Variants in ABRA observed in about 807,000 individuals in gnomAD.
ABRA encodes actin binding Rho activating protein, also known as actin-binding Rho-activating protein.
Under a neutral mutation model 33.4 loss-of-function variants are expected in ABRA, and 25 were observed. That is an observed-to-expected ratio of 0.75 (90% CI 0.55 to 1.04). ABRA has a LOEUF of 1.04. ABRA is among the 50% of genes least tolerant of loss of function. The pLI is 0.00. For synonymous variants in ABRA, 193 were observed against 176.8 expected (o/e 1.09, Z -0.73); for missense variants, 501 against 491.7 (o/e 1.02, Z -0.18).
chr8:106,769,881 T>A lies in ABRA; in HGVS notation c.310A>T (p.Ile104Phe). Reference protein sequence around the residue: ...SSEKAPEVSHIKKKEVSKTVV... With the variant: ...SSEKAPEVSHFKKKEVSKTVV... ...GTTTTGGACACCTCTTTCTTTTTGA[T>A]GTGAGAAACCTCAGGGGCTTTCTCT... is the stretch of plus-strand genomic sequence containing the variant. Residue 104 changes from isoleucine (I) to phenylalanine (F), a missense_variant, in exon 1 of 2, where the codon ATC becomes TTC. Coordinates refer to ENST00000311955, the MANE Select transcript of ABRA (RefSeq NM_139166.5). 6.2e-7 allele frequency: 1 copy of A among 1,614,132 alleles called. No homozygotes were observed. The highest frequency in any genetic ancestry group is 8.5e-7 in the Non-Finnish European group (1 of 1,179,996).
At chr8:106,766,071 T>C (rs1425467878) in intron 1 of ABRA, among the ~76,000 whole-genome samples, 2 of 152,208 alleles carry the variant, frequency 1.3e-5, no homozygotes, top group Non-Finnish European at 2.9e-5. Context: ...GGCAGCCTCC[T>C]GCTCAACTGC....
intron 1 of ABRA, among the ~76,000 whole-genome samples, chr8:106,768,688 C>A (rs1041734579): frequency 7.2e-5 from 11 of 152,118 alleles, no homozygotes; most frequent in Non-Finnish European, 1.5e-5. Flanking sequence ...GGCTGGAGTA[C>A]AGTGGCATGA....
Position 106,760,991 on chromosome 8 carries a change from G to A in ABRA, c.*46C>T, listed in dbSNP as rs1370063931. On this transcript the variant is annotated 3_prime_UTR_variant, in exon 2 of 2. Coordinates refer to ENST00000311955, the MANE Select transcript of ABRA (RefSeq NM_139166.5). ...TTCATTTTACCTACATGAGCATTTA[G>A]CATTAAGACCATAGTGGGCCAAATT... The A allele has an allele frequency of 6.6e-7, 1 of 1,520,090 alleles. No homozygotes were observed. The highest frequency in any genetic ancestry group is 9.0e-7 in the Non-Finnish European group (1 of 1,105,382). The allele number at this position is 1,520,090 out of a possible 1,614,324, so 94.2% of individuals were successfully genotyped here. A position where few individuals can be genotyped will look rare whatever the true frequency, so the allele number is the denominator to read the frequency against.
rs80150639 is a variant in ABRA at position 106,763,182 on chromosome 8, G to A, written c.669-1668C>T. Among the ~76,000 whole-genome samples, 22 of 152,266 alleles carry A rather than the reference G, an allele frequency of 1.4e-4. No homozygotes were observed. In the East Asian group the frequency reaches 3.7e-3, roughly 25 times the overall value. On this transcript the variant is annotated intron_variant, in intron 1 of 1. Transcript: ENST00000311955. ...AAGGCTGGAACCAAACACGTGGACC[G>A]GGAGGAATACATACTTACATTAACA... is the stretch of plus-strand genomic sequence containing the variant.
intron 1 of ABRA, among the ~76,000 whole-genome samples, chr8:106,765,053 C>A (rs1000851991): frequency 6.6e-6 from 1 of 152,034 alleles, no homozygotes; most frequent in South Asian, 2.1e-4. Context: ...GTGAGTGATA[C>A]TTTAGATTGA....
intron 1 of ABRA, among the ~76,000 whole-genome samples, chr8:106,764,184 T>C (rs746042459): frequency 1.1e-4 from 16 of 152,338 alleles, no homozygotes; most frequent in Admixed American, 3.3e-4. Context: ...AATAGGTAAA[T>C]ACTCAAATTT....
chr8:106,766,488 G>A (rs971997732), intron 1 of ABRA, among the ~76,000 whole-genome samples: 32 of 152,094 alleles, frequency 2.1e-4, no homozygotes, highest in African/African-American at 6.5e-4. Flanking sequence ...GCTTAGTAAT[G>A]CTGCTTTCAT....
chr8:106,761,361 G>A lies in ABRA; in HGVS notation c.822C>T (p.Ala274=). The A allele has an allele frequency of 6.2e-7, 1 of 1,614,150 alleles. No homozygotes were observed. The highest frequency in any genetic ancestry group is 8.5e-7 in the Non-Finnish European group (1 of 1,180,046). The change falls in exon 2 of 2, where the codon GCC becomes GCT. Residue 274 remains alanine, a synonymous_variant. Coordinates refer to ENST00000311955, the MANE Select transcript of ABRA (RefSeq NM_139166.5). ...CTCCTTTGTGTAGGCGGGTGGACAT[G>A]GCCAGCTCGTAATCAAACTCTTCAC... ...PFSEEFDYEL[A]MSTRLHKGDE...
rs767678425 is a variant in ABRA at position 106,770,146 on chromosome 8, G to A, written c.45C>T (p.Ser15=). 60 of 1,612,788 alleles carry A rather than the reference G, an allele frequency of 3.7e-5. 1 individual carries two copies. In the East Asian group the frequency reaches 5.8e-4, roughly 16 times the overall value. Residue 15 remains serine, a synonymous_variant, in exon 1 of 2, where the codon AGC becomes AGT. Transcript: ENST00000311955. ...TGGCTGTGCGTATCTTCCGGAGGGC[G>A]CTCTTGGCTGGGCCCTCCCCGCTTT... The part of the protein sequence containing the change: ...EKESGEGPAK[S]ALRKIRTATL...
chr8:106,770,220 C>T lies in ABRA; in HGVS notation c.-30G>A, dbSNP rs1461823353. The T allele has an allele frequency of 3.2e-6, 5 of 1,577,384 alleles. No individual in the cohort carries two copies. The highest frequency in any genetic ancestry group is 4.3e-6 in the Non-Finnish European group (5 of 1,168,274). On this transcript the variant is annotated 5_prime_UTR_variant, in exon 1 of 2. Coordinates refer to ENST00000311955, the MANE Select transcript of ABRA (RefSeq NM_139166.5). ...CCCACCTGTCTTTCTCTGCTGATAG[C>T]CTGGACACTGGCTAAAATGAGTGTG...
At chr8:106,768,879 C>T (rs543609841) in intron 1 of ABRA, among the ~76,000 whole-genome samples, 30 of 152,240 alleles carry the variant, frequency 2.0e-4, no homozygotes, top group African/African-American at 5.8e-4. Context: ...TCAAGTGATC[C>T]GCCCTCCTCA....
Position 106,761,308 on chromosome 8 carries a change from C to T in ABRA, c.875G>A (p.Gly292Glu), listed in dbSNP as rs1238355967. Reference protein sequence around the residue: ...GDEGYGRPKEGTKTAERAKRA... With the variant: ...GDEGYGRPKEETKTAERAKRA... ...CTTGGCCCTTTCAGCAGTTTTGGTT[C>T]CTTCTTTGGGGCGGCCATAGCCCTC... Residue 292 changes from glycine (G) to glutamate (E), a missense_variant, in exon 2 of 2, where the codon GGA becomes GAA. Transcript: ENST00000311955. 3 of 1,614,024 alleles carry T rather than the reference C, an allele frequency of 1.9e-6. No individual in the cohort carries two copies. The East Asian group carries it at 6.7e-5, about 36-fold the overall frequency.
chr8:106,759,923 T>A lies in ABRA; in HGVS notation c.*1114A>T, dbSNP rs1836112043. On this transcript the variant is annotated 3_prime_UTR_variant, in exon 2 of 2. Coordinates refer to ENST00000311955, the MANE Select transcript of ABRA (RefSeq NM_139166.5). ...CATCATCATTGTATATTTTTTACTT[T>A]GGCAGAACTAATATTGCAGTTTTAT... 1 of 152,236 alleles carries A rather than the reference T, an allele frequency of 6.6e-6. No homozygotes were observed. The highest frequency in any genetic ancestry group is 6.5e-5 in the Admixed American group (1 of 15,282). The allele number at this position is 152,236 out of a possible 1,614,324, so 9.4% of individuals were successfully genotyped here.
intron 1 of ABRA, among the ~76,000 whole-genome samples, chr8:106,768,572 A>T (rs1412437500): frequency 6.6e-6 from 1 of 152,156 alleles, no homozygotes; most frequent in Non-Finnish European, 1.5e-5. Flanking sequence ...ACGTTTCCCA[A>T]TACAATAGAA....
chr8:106,767,029 G>A (rs1372566402), intron 1 of ABRA, among the ~76,000 whole-genome samples: 1 of 152,152 alleles, frequency 6.6e-6, no homozygotes, highest in Non-Finnish European at 1.5e-5. Flanking sequence ...CCACTTTTAG[G>A]TGAGACAGTT....
rs1241036041 is a variant in ABRA at position 106,760,823 on chromosome 8, T to C, written c.*214A>G. On this transcript the variant is annotated 3_prime_UTR_variant, in exon 2 of 2. Coordinates refer to ENST00000311955, the MANE Select transcript of ABRA (RefSeq NM_139166.5). ...AACTATTAATACTATTATTATACAT[T>C]AACATTCTATGTGCTTTCTGAAATG... 6 of 569,476 alleles carry C rather than the reference T, an allele frequency of 1.1e-5. No individual in the cohort carries two copies. The East Asian group carries it at 1.7e-4, about 17-fold the overall frequency. 35.3% of individuals were successfully genotyped at this position (569,476 alleles called of 1,614,324 possible). A position where few individuals can be genotyped will look rare whatever the true frequency, so the allele number is the denominator to read the frequency against.
At chr8:106,765,133 G>A (rs1030508650) in intron 1 of ABRA, among the ~76,000 whole-genome samples, 6 of 152,130 alleles carry the variant, frequency 3.9e-5, no homozygotes, top group African/African-American at 9.7e-5. Flanking sequence ...CATTTCACCC[G>A]CATTTTACAA....
chr8:106,761,630 C>A, intron 1 of ABRA, 116 bp from the exon 2 acceptor site: 7 of 784,922 alleles, frequency 8.9e-6, no homozygotes, highest in South Asian at 4.4e-5. Context: ...TTTTTCACTA[C>A]AAAAATAAAC....
chr8:106,769,696 G>A lies in ABRA; in HGVS notation c.495C>T (p.Asn165=). Residue 165 remains asparagine (N), a synonymous_variant, in exon 1 of 2, where the codon AAC becomes AAT. Transcript: ENST00000311955. The part of the protein sequence containing the change: ...GSPTRRRKCA[N]LVSELTKGWR... ...AGCCCTTGGTTAGCTCAGACACCAG[G>A]TTGGCACATTTTCTCCTCCGCGTTG... 1.2e-6 allele frequency: 2 copies of A among 1,614,134 alleles called. No individual in the cohort carries two copies. Among genetic ancestry groups the A allele is most frequent in the Non-Finnish European group, 1.7e-6 (2 of 1,180,022 alleles).
Sources: gnomAD v4.1 joint callset for allele counts (sites outside exome capture counted in the v4.1 genomes callset) on GRCh38, gnomAD v4.1.1 for gene constraint, MANE v1.5 for transcripts, NCBI Gene and HGNC (gene_info 2026-07-23, HGNC 2026-07-21) for gene names.